The following DAW1 variants were observed in gnomAD, a reference collection of about 807,000 sequenced individuals.
DAW1 encodes the protein dynein assembly factor with WD repeat domains 1.
In DAW1, 47 loss-of-function variants were observed where a neutral mutation model predicts 56.5. The observed-to-expected ratio is 0.83, with a 90% confidence interval of 0.66 to 1.06. DAW1 has a LOEUF of 1.06. Among genes scored for constraint, DAW1 ranks in the 50% least tolerant of loss-of-function variants. DAW1 has a pLI of 0.00. For synonymous variants in DAW1, 190 were observed against 179.0 expected (o/e 1.06, Z -0.49); for missense variants, 505 against 499.3 (o/e 1.01, Z -0.11).
At chr2:227,876,296 A>C (rs1241034606) in intron 1 of DAW1, 1 of 526,710 alleles carries the variant, frequency 1.9e-6, no homozygotes, top group Non-Finnish European at 2.8e-6. Context: ...CTGGGATGAC[A>C]GGCGTGAGCC....
intron 1 of DAW1, among the ~76,000 whole-genome samples, chr2:227,881,652 T>G (rs777608156): frequency 4.0e-5 from 6 of 151,678 alleles, no homozygotes; most frequent in African/African-American, 7.3e-5. Flanking sequence ...GGTTCATAGA[T>G]GAGAAAATTG....
At chr2:227,917,761 C>T (rs1016989878) in intron 10 of DAW1, among the ~76,000 whole-genome samples, 2 of 151,850 alleles carry the variant, frequency 1.3e-5, no homozygotes, top group Admixed American at 6.6e-5. Flanking sequence ...AATGTCCAAC[C>T]GAATTTCAAG....
In DAW1 at chr2:227,921,428, T is replaced by C. The variant is rs754895835; in HGVS notation, c.1080T>C (p.Leu360=). 2.5e-6 allele frequency: 4 copies of C among 1,599,052 alleles called. No homozygotes were observed. The highest frequency in any genetic ancestry group is 3.4e-6 in the Non-Finnish European group (4 of 1,170,944). Residue 360 remains leucine (L), a synonymous_variant, in exon 12 of 13, where the codon CTT becomes CTC. Transcript: ENST00000309931. ...CTTTCAACCCTCAAGGGAACCATCT[T>C]CTAACTGGCAGCTCTGACAAAACGG... ...KISFNPQGNH[L]LTGSSDKTAR... is the part of the protein sequence containing the mutation.
chr2:227,873,432 T>TTTGTTGAA (rs1314184814), intron 1 of DAW1, among the ~76,000 whole-genome samples: 1 of 152,124 alleles, frequency 6.6e-6, no homozygotes. Context: ...ATCAGGAATG[T>TTTGTTGAA]TTGTTGAATG....
chr2:227,904,987 C>T lies in DAW1; in HGVS notation c.707C>T (p.Thr236Met), dbSNP rs752476337. ...AACACCTCAGGAGACAGAATCATCA[C>T]GGGGTCTTTTGATCATACCGTTGTA... The part of the protein sequence containing the change: ...SFNTSGDRII[T>M]GSFDHTVVVW... The change falls in exon 8 of 13, where the codon ACG becomes ATG. Residue 236 changes from threonine (T) to methionine (M), a missense_variant. By Grantham distance (81) the Thr-to-Met change is moderately conservative. Transcript: ENST00000309931. 11 of 1,613,710 alleles carry T rather than the reference C, an allele frequency of 6.8e-6. No individual in the cohort carries two copies. The highest frequency in any genetic ancestry group is 3.3e-5 in the Admixed American group (2 of 59,996).
chr2:227,905,153 G>C, intron 8 of DAW1, 118 bp downstream of exon 8: 1 of 652,950 alleles, frequency 1.5e-6, no homozygotes, highest in Non-Finnish European at 2.5e-6. Flanking sequence ...ATAAAAATAG[G>C]ACATATTGAA....
intron 11 of DAW1, among the ~76,000 whole-genome samples, chr2:227,921,107 G>A (rs1692096180): frequency 6.6e-6 from 1 of 152,202 alleles, no homozygotes; most frequent in Non-Finnish European, 1.5e-5. Flanking sequence ...TCTTTGGAAA[G>A]AAGCTGGGTG....
chr2:227,917,927 C>G (rs140591350), intron 10 of DAW1, among the ~76,000 whole-genome samples: 4 of 152,124 alleles, frequency 2.6e-5, no homozygotes, highest in Non-Finnish European at 5.9e-5. Flanking sequence ...AATTTTGTAT[C>G]CTTGCTATAT....
chr2:227,903,978 T>C (rs1691617238), intron 7 of DAW1, among the ~76,000 whole-genome samples: 1 of 135,060 alleles, frequency 7.4e-6, no homozygotes, highest in Non-Finnish European at 1.6e-5. Context: ...CTGTTCTCAG[T>C]TCTTTTTTCG....
chr2:227,910,515 C>CACACACACACAT (rs752427700), intron 10 of DAW1, among the ~76,000 whole-genome samples: 20 of 151,612 alleles, frequency 1.3e-4, no homozygotes, highest in African/African-American at 4.9e-4. Context: ...CACACACACA[C>CACACACACACAT]ACACACACAC....
At chr2:227,913,043 A>G (rs1691867775) in intron 10 of DAW1, among the ~76,000 whole-genome samples, 1 of 151,186 alleles carries the variant, frequency 6.6e-6, no homozygotes, top group Non-Finnish European at 1.5e-5. Context: ...TTGCTAAACT[A>G]TTTCTCTGTC....
chr2:227,878,658 A>G (rs1690941928), intron 1 of DAW1, among the ~76,000 whole-genome samples: 2 of 152,194 alleles, frequency 1.3e-5, no homozygotes, highest in Admixed American at 1.3e-4. Flanking sequence ...TAGGAGTTCG[A>G]GACTACAGTG....
rs1459287835 is a variant in DAW1 at position 227,918,934 on chromosome 2, C to A, written c.1050+78C>A. The stretch of plus-strand genomic sequence containing the variant: ...CAGGGCCCAGGTGCAGTGCCTCACA[C>A]CTATAATCCCAGCACTTTGAGAGGA... On this transcript the variant is annotated intron_variant, in intron 11 of 12. Transcript: ENST00000309931. 3.7e-6 allele frequency: 5 copies of A among 1,366,806 alleles called. No individual in the cohort carries two copies. The African/African-American group carries it at 7.3e-5, about 20-fold the overall frequency. 84.7% of individuals were successfully genotyped at this position (1,366,806 alleles called of 1,614,324 possible).
intron 5 of DAW1, among the ~76,000 whole-genome samples, chr2:227,896,521 T>C (rs2106199007): frequency 6.6e-6 from 1 of 152,052 alleles, no homozygotes; most frequent in South Asian, 2.1e-4. Flanking sequence ...AATGCAGTGT[T>C]TCTCATTGCA....
intron 5 of DAW1, among the ~76,000 whole-genome samples, chr2:227,897,949 T>C (rs1044426772): frequency 5.3e-5 from 8 of 150,776 alleles, no homozygotes; most frequent in Non-Finnish European, 8.9e-5. Flanking sequence ...ATTATTATAA[T>C]CCCAAACAAA....
chr2:227,906,154 C>T lies in DAW1; in HGVS notation c.756-82C>T, dbSNP rs918964224. 6.6e-6 allele frequency: 7 copies of T among 1,065,676 alleles called. No individual in the cohort carries two copies. The African/African-American group carries it at 1.1e-4, about 17-fold the overall frequency. The allele number at this position is 1,065,676 out of a possible 1,614,324, so 66.0% of individuals were successfully genotyped here. A position where few individuals can be genotyped will look rare whatever the true frequency, so the allele number is the denominator to read the frequency against. On this transcript the variant is annotated intron_variant, in intron 8 of 12. Transcript: ENST00000309931. ...AAACCAGATTTTAGATTAGCTTACA[C>T]AGATGGGCTTGGCCTCATTATTCAT...
chr2:227,879,905 A>G (rs561258835), intron 1 of DAW1, among the ~76,000 whole-genome samples: 1 of 152,276 alleles, frequency 6.6e-6, no homozygotes, highest in East Asian at 1.9e-4. Context: ...ATTTTATTAT[A>G]TTGATCTAAT....
chr2:227,883,926 T>C (rs1691066235), intron 1 of DAW1, among the ~76,000 whole-genome samples: 2 of 152,204 alleles, frequency 1.3e-5, no homozygotes. Context: ...AACCAAAAAC[T>C]CTTTGGTGTC....
At chr2:227,891,362 GTGTT>G in intron 4 of DAW1, 49 bp downstream of exon 4, 2 of 1,504,496 alleles carry the variant, frequency 1.3e-6, no homozygotes, top group East Asian at 2.3e-5. Flanking sequence ...ACAAATTTCT[GTGTT>G]TATTTATCAA....
Sources: gnomAD v4.1 joint callset for allele counts (sites outside exome capture counted in the v4.1 genomes callset) on GRCh38, gnomAD v4.1.1 for gene constraint, MANE v1.5 for transcripts, NCBI Gene and HGNC (gene_info 2026-07-23, HGNC 2026-07-21) for gene names.